The following IRAK1BP1 variants were observed in gnomAD, a reference collection of about 807,000 sequenced individuals.
IRAK1BP1 encodes interleukin-1 receptor-associated kinase 1-binding protein 1.
A neutral mutation model predicts 28.0 loss-of-function variants in IRAK1BP1; 24 were observed. The observed-to-expected ratio is 0.86, with a 90% CI of 0.62 to 1.20. The LOEUF (loss-of-function observed/expected upper bound fraction) is 1.20. Among genes scored for constraint, IRAK1BP1 ranks in the 50% most tolerant of loss-of-function variants. The pLI, the probability that IRAK1BP1 is intolerant of heterozygous loss-of-function variation, is 0.00. For synonymous variants in IRAK1BP1, 131 were observed against 116.3 expected (o/e 1.13, Z -0.81); for missense variants, 336 against 316.7 (o/e 1.06, Z -0.46).
downstream of IRAK1BP1, among the ~76,000 whole-genome samples, chr6:78,949,046 C>G (rs1287433709): frequency 6.6e-6 from 1 of 152,106 alleles, no homozygotes; most frequent in Non-Finnish European, 1.5e-5. Context: ...TGAGAGTGAA[C>G]ATTTTTCAGT....
downstream of IRAK1BP1, among the ~76,000 whole-genome samples, chr6:78,906,408 G>T (rs1243063106): frequency 6.6e-6 from 1 of 152,046 alleles, no homozygotes; most frequent in Non-Finnish European, 1.5e-5. Flanking sequence ...GTCACCTAAG[G>T]TTACTAAGTG....
the IRAK1BP1 span, chr6:78,957,401 T>C: frequency 3.3e-5 from 5 of 151,818 alleles, no homozygotes; most frequent in African/African-American, 7.2e-5. Flanking sequence ...CCCCAAACCA[T>C]TGGAAAGCAA....
chr6:78,903,972 A>G (rs1024448314), downstream of IRAK1BP1, among the ~76,000 whole-genome samples: 2 of 152,180 alleles, frequency 1.3e-5, no homozygotes, highest in Non-Finnish European at 2.9e-5. Flanking sequence ...GAGTAGGGCT[A>G]TGCTTGAAAC....
intron 4 of IRAK1BP1, chr6:78,935,399 A>T: frequency 1.7e-6 from 1 of 604,630 alleles, no homozygotes; most frequent in Non-Finnish European, 2.1e-6. Flanking sequence ...AATGCATGCC[A>T]ATCTGACAAA....
chr6:78,887,809 A>C lies in IRAK1BP1; in HGVS notation c.381+2366A>C, dbSNP rs145596150. 6.2e-3 allele frequency among the ~76,000 whole-genome samples: 937 copies of C among 152,324 alleles called. 7 individuals are homozygous for C. The highest frequency in any genetic ancestry group is 0.014 in the Middle Eastern group (4 of 294). ...AAACAGTATACAGGTTCCTCAAAAA[A>C]TTAAAAATAGAACTACGATATGACC... On this transcript the variant is annotated intron_variant, in intron 2 of 3. Transcript: ENST00000369940.
chr6:78,904,132 AG>A (rs1299619714), downstream of IRAK1BP1, among the ~76,000 whole-genome samples: 2 of 152,232 alleles, frequency 1.3e-5, no homozygotes, highest in African/African-American at 4.8e-5. Context: ...TGGGAAATGC[AG>A]GACACATATT....
At chr6:78,967,702 T>C in the IRAK1BP1 span, among the ~76,000 whole-genome samples, 1 of 152,224 alleles carries the variant, frequency 6.6e-6, no homozygotes, top group Non-Finnish European at 1.5e-5. Flanking sequence ...ATGATGCTCA[T>C]TCATTTTAAT....
At chr6:78,887,665 C>T (rs1178172856) in intron 2 of IRAK1BP1, among the ~76,000 whole-genome samples, 1 of 151,618 alleles carries the variant, frequency 6.6e-6, no homozygotes, top group Non-Finnish European at 1.5e-5. Flanking sequence ...GACTCCATCT[C>T]ACACACACAC....
intron 1 of IRAK1BP1, among the ~76,000 whole-genome samples, chr6:78,870,645 A>T (rs982934926): frequency 1.3e-5 from 2 of 152,204 alleles, no homozygotes; most frequent in Admixed American, 1.3e-4. Context: ...TTAAAGTTCT[A>T]AGCAATATTT....
chr6:78,904,633 T>C (rs529474036), downstream of IRAK1BP1, among the ~76,000 whole-genome samples: 39 of 152,312 alleles, frequency 2.6e-4, no homozygotes, highest in South Asian at 6.2e-4. Flanking sequence ...TTCCATTGAA[T>C]CAGTCATATA....
intron 2 of IRAK1BP1, among the ~76,000 whole-genome samples, chr6:78,890,584 G>A (rs1771617109): frequency 6.6e-6 from 1 of 152,082 alleles, no homozygotes; most frequent in Non-Finnish European, 1.5e-5. Context: ...AAAGCATATT[G>A]GAAATGTTAG....
intron 2 of IRAK1BP1, among the ~76,000 whole-genome samples, chr6:78,888,442 G>A (rs748215980): frequency 1.8e-4 from 28 of 152,102 alleles, no homozygotes; most frequent in South Asian, 4.1e-4. Context: ...AGGTGTATGC[G>A]TATGTCCAAA....
chr6:78,879,871 A>G (rs917486424), intron 1 of IRAK1BP1, among the ~76,000 whole-genome samples: 1 of 152,218 alleles, frequency 6.6e-6, no homozygotes, highest in Non-Finnish European at 1.5e-5. Flanking sequence ...GGGTACAGAT[A>G]TAGTAGTGAG....
the IRAK1BP1 span, among the ~76,000 whole-genome samples, chr6:78,978,406 A>C: frequency 6.6e-6 from 1 of 152,132 alleles, no homozygotes. Flanking sequence ...TCAGATTTAC[A>C]GCAGCTTCAA....
At chr6:78,896,388 TA>T (rs1201564163) in intron 2 of IRAK1BP1, among the ~76,000 whole-genome samples, 1 of 143,886 alleles carries the variant, frequency 6.9e-6, no homozygotes, top group East Asian at 2.0e-4. Flanking sequence ...CTATTCAGCA[TA>T]AAAGGAACAA....
At chr6:78,904,481 C>G (rs563062042), downstream of IRAK1BP1, among the ~76,000 whole-genome samples, 1 of 152,276 alleles carries the variant, frequency 6.6e-6, no homozygotes, top group African/African-American at 2.4e-5. Context: ...AGTAAACTTA[C>G]AATTTTTAGT....
the IRAK1BP1 span, chr6:78,970,744 AT>A: frequency 7.7e-7 from 1 of 1,306,690 alleles, no homozygotes; most frequent in Non-Finnish European, 1.1e-6. Flanking sequence ...CCATAATTGT[AT>A]TTTTGGGGCT....
At chr6:78,896,155 A>C (rs1582020363) in intron 2 of IRAK1BP1, among the ~76,000 whole-genome samples, 1 of 152,188 alleles carries the variant, frequency 6.6e-6, no homozygotes, top group African/African-American at 2.4e-5. Flanking sequence ...TCCAGATATC[A>C]GTTCTCCCTA....
At chr6:78,942,587 T>C (rs746135820) in intron 4 of IRAK1BP1, among the ~76,000 whole-genome samples, 1 of 152,140 alleles carries the variant, frequency 6.6e-6, no homozygotes, top group African/African-American at 2.4e-5. Context: ...CTGACCCCCA[T>C]AGTGAAATGA....
Sources: allele counts gnomAD v4.1 joint callset (sites outside exome capture counted in the v4.1 genomes callset), GRCh38; gene constraint gnomAD v4.1.1; transcripts MANE v1.5; gene names NCBI Gene and HGNC (gene_info 2026-07-23, HGNC 2026-07-21).